The following ROBO1 variants were observed in gnomAD, a reference collection of about 807,000 sequenced individuals.
ROBO1 encodes the protein roundabout homolog 1.
ROBO1 carries 149 observed loss-of-function variants against 195.9 expected under a neutral mutation model. The observed-to-expected ratio is 0.76, with a 90% CI of 0.67 to 0.87. The LOEUF is 0.87. Among genes scored for constraint, ROBO1 ranks in the 40% least tolerant of loss-of-function variants. The pLI, the probability that ROBO1 is intolerant of heterozygous loss-of-function variation, is 0.00. For synonymous variants in ROBO1, 816 were observed against 733.2 expected, an observed-to-expected ratio of 1.11 and a Z score of -1.82; for missense variants, 1,933 against 2,068.3, an observed-to-expected ratio of 0.93 and a Z score of 1.27.
chr3:78,604,898 C>T (rs916073115), intron 29 of ROBO1, among the ~76,000 whole-genome samples: 1 of 152,194 alleles, frequency 6.6e-6, no homozygotes, highest in Non-Finnish European at 1.5e-5. Context: ...GTTTCTTCCT[C>T]CTACATGGTT....
intron 1 of ROBO1, among the ~76,000 whole-genome samples, chr3:79,671,381 A>C (rs1946627953): frequency 6.6e-6 from 1 of 151,894 alleles, no homozygotes; most frequent in Admixed American, 6.6e-5. Context: ...GGTACCCTAT[A>C]AGAATATCTA....
At chr3:78,646,998 C>T (rs1706335985) in intron 20 of ROBO1, among the ~76,000 whole-genome samples, 1 of 151,906 alleles carries the variant, frequency 6.6e-6, no homozygotes, top group Admixed American at 6.6e-5. Flanking sequence ...AGAAGAACTC[C>T]AAACTGGAAG....
At chr3:78,670,384 CT>C (rs1708000239) in intron 10 of ROBO1, 83 bp from the exon 11 acceptor site, 5 of 1,168,496 alleles carry the variant, frequency 4.3e-6, no homozygotes, top group Non-Finnish European at 6.1e-6. Context: ...TTGTTCTAGG[CT>C]TTGAAACAAA....
chr3:78,614,916 A>C, intron 27 of ROBO1, 116 bp from the exon 28 acceptor site: 1 of 1,119,076 alleles, frequency 8.9e-7, no homozygotes, highest in Non-Finnish European at 1.2e-6. Context: ...TCTGAAAAGC[A>C]ACAAAAAAAG....
intron 2 of ROBO1, among the ~76,000 whole-genome samples, chr3:79,229,368 T>C (rs377509719): frequency 6.6e-6 from 1 of 152,082 alleles, no homozygotes; most frequent in Admixed American, 6.6e-5. Flanking sequence ...ACTGTACCAA[T>C]TGCAGGAAAA....
At chr3:79,191,194 G>A (rs1462894872) in intron 2 of ROBO1, among the ~76,000 whole-genome samples, 1 of 151,286 alleles carries the variant, frequency 6.6e-6, no homozygotes, top group African/African-American at 2.4e-5. Context: ...AAAATTGTTT[G>A]CCTTGTGATA....
intron 2 of ROBO1, among the ~76,000 whole-genome samples, chr3:79,428,772 T>C (rs545336230): frequency 1.7e-4 from 26 of 152,078 alleles, no homozygotes; most frequent in African/African-American, 5.8e-4. Flanking sequence ...CAACATACAG[T>C]GGAATATTAA....
chr3:79,086,429 T>G (rs1373973820), intron 3 of ROBO1, among the ~76,000 whole-genome samples: 2 of 152,220 alleles, frequency 1.3e-5, no homozygotes, highest in African/African-American at 4.8e-5. Flanking sequence ...GTTTGATGAT[T>G]ACTAGAGTAT....
intron 3 of ROBO1, among the ~76,000 whole-genome samples, chr3:79,036,431 C>T (rs2078381913): frequency 6.6e-6 from 1 of 152,042 alleles, no homozygotes; most frequent in Non-Finnish European, 1.5e-5. Flanking sequence ...AACATTGTGT[C>T]AGACAGAGTA....
intron 2 of ROBO1, among the ~76,000 whole-genome samples, chr3:79,441,520 C>T (rs757889257): frequency 9.2e-5 from 14 of 152,064 alleles, no homozygotes; most frequent in Non-Finnish European, 2.1e-4. Flanking sequence ...TTGGCTAGAA[C>T]ATGGAGCTTG....
intron 8 of ROBO1, among the ~76,000 whole-genome samples, chr3:78,692,608 TC>T (rs1288455203): frequency 6.6e-6 from 1 of 152,152 alleles, no homozygotes; most frequent in Non-Finnish European, 1.5e-5. Flanking sequence ...TGAGAGAGAT[TC>T]TTTTAGGGAC....
intron 4 of ROBO1, among the ~76,000 whole-genome samples, chr3:78,819,021 A>G (rs984059447): frequency 1.2e-4 from 19 of 152,190 alleles, no homozygotes; most frequent in African/African-American, 3.9e-4. Flanking sequence ...AACATAGTGT[A>G]CAAAGGGTTT....
intron 2 of ROBO1, among the ~76,000 whole-genome samples, chr3:79,443,195 T>C (rs1167619751): frequency 2.0e-5 from 3 of 152,192 alleles, no homozygotes; most frequent in Non-Finnish European, 4.4e-5. Context: ...AGAAAAATTA[T>C]GTACCTTAAA....
intron 3 of ROBO1, among the ~76,000 whole-genome samples, chr3:79,118,563 G>A (rs2080052720): frequency 6.6e-6 from 1 of 151,928 alleles, no homozygotes. Context: ...AAAATTTGTA[G>A]CTTTTGCTTA....
chr3:78,797,634 T>A (rs1274152019), intron 4 of ROBO1, among the ~76,000 whole-genome samples: 1 of 152,084 alleles, frequency 6.6e-6, no homozygotes, highest in Non-Finnish European at 1.5e-5. Context: ...AAGCAGAGGG[T>A]TTTTTTCTTG....
intron 18 of ROBO1, among the ~76,000 whole-genome samples, chr3:78,654,238 A>G (rs947450707): frequency 2.0e-5 from 3 of 152,222 alleles, no homozygotes; most frequent in Non-Finnish European, 4.4e-5. Context: ...CTTTCAATGC[A>G]AAATGGCTAA....
At chr3:78,871,529 CTTAAT>C (rs1465105497) in intron 4 of ROBO1, among the ~76,000 whole-genome samples, 2 of 152,012 alleles carry the variant, frequency 1.3e-5, no homozygotes, top group African/African-American at 4.8e-5. Flanking sequence ...CACAGTGCTA[CTTAAT>C]TTAAATAAGA....
At chr3:78,908,421 A>AT (rs1308138070) in intron 4 of ROBO1, among the ~76,000 whole-genome samples, 2 of 151,904 alleles carry the variant, frequency 1.3e-5, no homozygotes, top group African/African-American at 4.8e-5. Context: ...TAAATATGCA[A>AT]TTTTGTAAAA....
intron 1 of ROBO1, among the ~76,000 whole-genome samples, chr3:79,712,936 T>C (rs2107239907): frequency 6.6e-6 from 1 of 152,216 alleles, no homozygotes; most frequent in Middle Eastern, 3.4e-3. Context: ...TGAGTATTTT[T>C]TTTATTGTAC....
Sources: gnomAD v4.1 joint callset for allele counts (sites outside exome capture counted in the v4.1 genomes callset) on GRCh38, gnomAD v4.1.1 for gene constraint, MANE v1.5 for transcripts, NCBI Gene and HGNC (gene_info 2026-07-23, HGNC 2026-07-21) for gene names.